The following BCL2L13 variants were observed in gnomAD, a reference collection of about 807,000 sequenced individuals.
The protein encoded by BCL2L13 is bcl-2-like protein 13.
BCL2L13 carries 13 observed loss-of-function variants against 25.8 expected under a neutral mutation model. The observed-to-expected ratio is 0.50, with a 90% confidence interval of 0.33 to 0.80. The LOEUF is 0.80. Ranked by LOEUF, BCL2L13 falls within the 30% of genes least tolerant of loss-of-function variation. The pLI is 0.02. For missense variants in BCL2L13, 504 were observed against 574.9 expected, an observed-to-expected ratio of 0.88 and a Z score of 1.26; for synonymous variants, 244 against 230.3, an observed-to-expected ratio of 1.06 and a Z score of -0.54.
At chr22:17,726,641 C>A (rs2061306485) in intron 6 of BCL2L13, 36 bp from the exon 7 acceptor site, 3 of 1,576,830 alleles carry the variant, frequency 1.9e-6, no homozygotes, top group African/African-American at 2.7e-5. Context: ...AAATAGTTAC[C>A]ATTCTTTATT....
chr22:17,693,358 T>G (rs2060161059), intron 4 of BCL2L13, among the ~76,000 whole-genome samples: 1 of 137,076 alleles, frequency 7.3e-6, no homozygotes. Flanking sequence ...TATTTATTTA[T>G]TTATTTAGTG....
At chr22:17,708,487 G>T (rs1040757945) in intron 6 of BCL2L13, among the ~76,000 whole-genome samples, 5 of 152,200 alleles carry the variant, frequency 3.3e-5, no homozygotes, top group African/African-American at 1.2e-4. Context: ...TAGCATTGTT[G>T]TGAGGTTTCA....
chr22:17,687,716 A>G (rs892032618), intron 3 of BCL2L13, among the ~76,000 whole-genome samples: 7 of 149,252 alleles, frequency 4.7e-5, no homozygotes, highest in Non-Finnish European at 1.0e-4. Context: ...ACGGGGTTTC[A>G]CCGTGTTAGC....
At chr22:17,679,818 T>C (rs1364273502) in intron 2 of BCL2L13, among the ~76,000 whole-genome samples, 3 of 152,222 alleles carry the variant, frequency 2.0e-5, no homozygotes, top group African/African-American at 7.2e-5. Context: ...ACAAATGTTT[T>C]CTTTGTTCGT....
intron 5 of BCL2L13, among the ~76,000 whole-genome samples, chr22:17,701,093 T>C (rs2060419693): frequency 6.6e-6 from 1 of 152,166 alleles, no homozygotes; most frequent in Middle Eastern, 3.4e-3. Context: ...TTTTTCAATA[T>C]GCATTTTTTT....
At chr22:17,665,308 C>T (rs1048536166) in intron 2 of BCL2L13, among the ~76,000 whole-genome samples, 2 of 152,176 alleles carry the variant, frequency 1.3e-5, no homozygotes, top group African/African-American at 4.8e-5. Context: ...CTGAGACCAC[C>T]TCAACTTGGA....
At chr22:17,668,050 G>A (rs571071692) in intron 2 of BCL2L13, among the ~76,000 whole-genome samples, 12 of 137,414 alleles carry the variant, frequency 8.7e-5, no homozygotes, top group South Asian at 4.7e-4. Flanking sequence ...TCGCTCTGTC[G>A]CCCAGGCTGG....
intron 1 of BCL2L13, chr22:17,629,064 C>G (rs1158644822): frequency 5.5e-6 from 1 of 181,848 alleles, no homozygotes; most frequent in East Asian, 1.3e-4. Context: ...GGGTTATGGG[C>G]TTAGGGGTAC....
chr22:17,716,900 A>G (rs900121857), intron 6 of BCL2L13, among the ~76,000 whole-genome samples: 3 of 152,148 alleles, frequency 2.0e-5, no homozygotes, highest in African/African-American at 7.2e-5. Flanking sequence ...TGAGGGGGAA[A>G]CATGCACCTT....
chr22:17,721,650 A>G (rs2079947), intron 6 of BCL2L13, among the ~76,000 whole-genome samples: 130,094 of 151,780 alleles, frequency 0.86, 55,894 homozygotes, highest in East Asian at 0.94. Flanking sequence ...TCAGCCTCCC[A>G]AGGAGCTGGG....
intron 5 of BCL2L13, among the ~76,000 whole-genome samples, chr22:17,701,328 A>T (rs1211661208): frequency 6.6e-6 from 1 of 152,206 alleles, no homozygotes; most frequent in East Asian, 1.9e-4. Flanking sequence ...TTTGAAAAAT[A>T]AAAGTTTTCT....
intron 5 of BCL2L13, among the ~76,000 whole-genome samples, chr22:17,701,019 TATGGACC>T (rs2060417321): frequency 6.6e-6 from 1 of 152,248 alleles, no homozygotes; most frequent in South Asian, 2.1e-4. Context: ...TTTGCAGGCA[TATGGACC>T]TCTTGATGTT....
chr22:17,676,473 AT>A (rs1171210837), intron 2 of BCL2L13, among the ~76,000 whole-genome samples: 1 of 152,228 alleles, frequency 6.6e-6, no homozygotes, highest in Admixed American at 6.5e-5. Context: ...AATTAAAAAA[AT>A]AATCATAAAG....
chr22:17,637,894 T>C (rs986523903), upstream of BCL2L13, among the ~76,000 whole-genome samples: 1 of 152,158 alleles, frequency 6.6e-6, no homozygotes, highest in Non-Finnish European at 1.5e-5. Context: ...TACAATTCAG[T>C]AGTTTTCAGT....
At chr22:17,674,799 A>G (rs1160434851) in intron 2 of BCL2L13, among the ~76,000 whole-genome samples, 1 of 152,076 alleles carries the variant, frequency 6.6e-6, no homozygotes, top group African/African-American at 2.4e-5. Context: ...TTTGTTAGAT[A>G]GTGAGAAATT....
intron 2 of BCL2L13, among the ~76,000 whole-genome samples, chr22:17,659,056 TAAAAAA>T (rs752881083): frequency 7.1e-5 from 2 of 28,114 alleles, no homozygotes; most frequent in African/African-American, 2.1e-4. Context: ...AGACTCCATC[TAAAAAA>T]AAAAAAAAAA....
chr22:17,693,487 C>G (rs997515962), intron 4 of BCL2L13, among the ~76,000 whole-genome samples: 8 of 147,980 alleles, frequency 5.4e-5, no homozygotes, highest in Non-Finnish European at 7.4e-5. Flanking sequence ...TCAAGCAATT[C>G]TCCAGCCTCA....
At chr22:17,686,861 T>C (rs529375128) in intron 3 of BCL2L13, among the ~76,000 whole-genome samples, 1 of 152,322 alleles carries the variant, frequency 6.6e-6, no homozygotes, top group East Asian at 1.9e-4. Context: ...ATTCTCTTCA[T>C]GTATATTCTG....
rs1166792513 is a variant in BCL2L13, at chr22:17,685,760, C to CTTTTTTTTTTTTTTTTTTTTTTTTTT, written c.229+2443_229+2468dup. ...TATTGCCCAATAATTTTTTCTTTTT[C>CTTTTTTTTTTTTTTTTTTTTTTTTTT]TTTTTTTTTTTTTTTTTTTTTTTTT... On this transcript the variant is annotated intron_variant, in intron 3 of 6. Transcript: ENST00000317582. 4.6e-4 allele frequency among the ~76,000 whole-genome samples: 28 copies of CTTTTTTTTTTTTTTTTTTTTTTTTTT among 60,566 alleles called. 10 individuals carry two copies. Among genetic ancestry groups the CTTTTTTTTTTTTTTTTTTTTTTTTTT allele is most frequent in the East Asian group, 1.0e-3 (2 of 1,994 alleles). 39.7% of individuals were successfully genotyped at this position (60,566 alleles called of 152,430 possible). A position where few individuals can be genotyped will look rare whatever the true frequency, so the allele number is the denominator to read the frequency against.
Sources: gnomAD v4.1 joint callset for allele counts (sites outside exome capture counted in the v4.1 genomes callset) on GRCh38, gnomAD v4.1.1 for gene constraint, MANE v1.5 for transcripts, NCBI Gene and HGNC (gene_info 2026-07-23, HGNC 2026-07-21) for gene names.